Variants in TRPM3 observed in about 807,000 individuals in gnomAD.
The protein encoded by TRPM3 is transient receptor potential cation channel subfamily M member 3.
A neutral mutation model predicts 181.2 loss-of-function variants in TRPM3; 77 were observed. The observed-to-expected ratio is 0.42, with a 90% CI of 0.35 to 0.51. TRPM3 has a LOEUF of 0.51. TRPM3 is among the 20% of genes least tolerant of loss of function. TRPM3 has a pLI of 0.01. For synonymous variants in TRPM3, 745 were observed against 796.4 expected (o/e 0.94, Z 1.09); for missense variants, 1,759 against 2,196.7 (o/e 0.80, Z 3.98).
Position 70,536,282 on chromosome 9 carries a change from C to T in TRPM3, c.4831G>A (p.Glu1611Lys), listed in dbSNP as rs1387933775. The change falls in exon 26 of 26, where the codon GAG (glutamate) becomes AAG (lysine). Residue 1611 changes from glutamate to lysine, a missense_variant. Physicochemically the swap from Glu to Lys is moderately conservative, Grantham distance 56 (BLOSUM62 1). This residue lies in a region of TRPM3 where 612 missense variants were observed against 590.0 expected (regional missense o/e 1.04). Transcript: ENST00000677713. Reference sequence around the variant, plus strand: ...GCTCTGCGGCCTTTGGCCTCATTCTCCTCACTGTCAGAGCTGGGGTGACTC... The same window carrying T: ...GCTCTGCGGCCTTTGGCCTCATTCTTCTCACTGTCAGAGCTGGGGTGACTC... ...ELSHPSSDSEENEAKGRRATI... is the reference protein window; with the variant it reads ...ELSHPSSDSEKNEAKGRRATI... 1.2e-5 allele frequency: 19 copies of T among 1,614,066 alleles called. No homozygotes were observed. The highest frequency in any genetic ancestry group is 1.5e-5 in the Non-Finnish European group (18 of 1,180,052).
At chr9:70,599,307 A>G (rs1050987260) in intron 20 of TRPM3, among the ~76,000 whole-genome samples, 16 of 152,184 alleles carry the variant, frequency 1.1e-4, no homozygotes, top group African/African-American at 3.9e-4. Flanking sequence ...TTACCAGGTT[A>G]TATGCATAGG....
rs77606842 is a variant in TRPM3 at position 70,591,734 on chromosome 9, C to T, written c.3049-529G>A. Among the ~76,000 whole-genome samples the T allele has an allele frequency of 7.8e-4, 119 of 152,240 alleles. 1 individual carries two copies. In the South Asian group the frequency reaches 0.025, roughly 32 times the overall value. On this transcript the variant is annotated intron_variant, in intron 21 of 25. Transcript: ENST00000677713. ...CAAAAACAAAACAAAACAACAACAACAAAAACTGCCTATAAACGAAGCTAG... is the reference window on the plus strand; with the variant it reads ...CAAAAACAAAACAAAACAACAACAATAAAAACTGCCTATAAACGAAGCTAG...
chr9:71,224,628 C>T (rs573703985), intron 1 of TRPM3, among the ~76,000 whole-genome samples: 1 of 152,112 alleles, frequency 6.6e-6, no homozygotes, highest in South Asian at 2.1e-4. Flanking sequence ...TAGCTGATTT[C>T]AGGAAATTCA....
chr9:70,820,816 C>T (rs1249433800), intron 6 of TRPM3, among the ~76,000 whole-genome samples: 1 of 152,012 alleles, frequency 6.6e-6, no homozygotes, highest in Non-Finnish European at 1.5e-5. Flanking sequence ...CGGTAACTTG[C>T]CCAAGGTCAC....
At chr9:71,055,396 T>C (rs1215960279) in intron 1 of TRPM3, among the ~76,000 whole-genome samples, 1 of 152,048 alleles carries the variant, frequency 6.6e-6, no homozygotes, top group Non-Finnish European at 1.5e-5. Context: ...TATAGGTGTC[T>C]TCAAGATTTC....
At chr9:70,997,167 C>T (rs576238998) in intron 1 of TRPM3, among the ~76,000 whole-genome samples, 1 of 152,126 alleles carries the variant, frequency 6.6e-6, no homozygotes, top group Admixed American at 6.5e-5. Context: ...CCTCCTACCC[C>T]CTTGTCACAT....
At chr9:71,246,784 G>A (rs75131373) in intron 1 of TRPM3, among the ~76,000 whole-genome samples, 2 of 152,108 alleles carry the variant, frequency 1.3e-5, no homozygotes, top group African/African-American at 2.4e-5. Flanking sequence ...TTAGTTATAC[G>A]ACACTTTAAT....
chr9:70,612,356 CAG>C (rs1192142752), intron 18 of TRPM3, among the ~76,000 whole-genome samples: 1 of 152,176 alleles, frequency 6.6e-6, no homozygotes, highest in Non-Finnish European at 1.5e-5. Flanking sequence ...TGGGGCAAGA[CAG>C]AGTACTGGGA....
At chr9:71,399,991 C>A (rs2093305061) in intron 1 of TRPM3, among the ~76,000 whole-genome samples, 1 of 152,130 alleles carries the variant, frequency 6.6e-6, no homozygotes, top group Non-Finnish European at 1.5e-5. Flanking sequence ...ATTACTTAAA[C>A]TTTCTGATCC....
intron 1 of TRPM3, among the ~76,000 whole-genome samples, chr9:71,199,464 G>C (rs201516016): frequency 0.054 from 8,169 of 152,094 alleles, 243 homozygotes; most frequent in East Asian, 0.12. Context: ...GTTCCTCCTT[G>C]TACCTCTGGT....
chr9:70,974,469 G>A (rs1201089985), intron 1 of TRPM3, among the ~76,000 whole-genome samples: 1 of 152,118 alleles, frequency 6.6e-6, no homozygotes, highest in Non-Finnish European at 1.5e-5. Flanking sequence ...AACCCGGGAG[G>A]CGGAGCTTGC....
intron 22 of TRPM3, among the ~76,000 whole-genome samples, chr9:70,585,429 A>G (rs1417123788): frequency 6.6e-6 from 1 of 152,114 alleles, no homozygotes; most frequent in Non-Finnish European, 1.5e-5. Flanking sequence ...AGCTTCTACT[A>G]AGCTCCAGAG....
At position 71,420,809 on chromosome 9, in the gene TRPM3, A is replaced by AAG. The variant is rs1203968032; in HGVS notation, c.183+25842_183+25843dup. On this transcript the variant is annotated intron_variant, in intron 1 of 24. Transcript: ENST00000357533. ...AGAAAGAGAGAGAAAGAAAGAGAGA[A>AAG]AGAAAGAGAGAAAGAGAGGGAAAGA... 4.3e-3 allele frequency among the ~76,000 whole-genome samples: 24 copies of AAG among 5,550 alleles called. 1 individual carries two copies. Among genetic ancestry groups the AAG allele is most frequent in the African/African-American group, 0.01 (19 of 1,848 alleles). 3.6% of individuals were successfully genotyped at this position (5,550 alleles called of 152,430 possible).
chr9:71,241,489 C>T (rs13285162), intron 1 of TRPM3, among the ~76,000 whole-genome samples: 3 of 136,128 alleles, frequency 2.2e-5, no homozygotes, highest in Non-Finnish European at 3.1e-5. Context: ...CACACCGGGG[C>T]CTGCCGTGGG....
intron 9 of TRPM3, among the ~76,000 whole-genome samples, 164 bp from the exon 10 acceptor site, chr9:70,640,824 G>T (rs1443389616): frequency 5.3e-5 from 8 of 151,876 alleles, no homozygotes. Context: ...TAACATTTTG[G>T]GTAACTCTTT....
chr9:71,217,771 T>C (rs2131834688), intron 1 of TRPM3, among the ~76,000 whole-genome samples: 2 of 152,276 alleles, frequency 1.3e-5, no homozygotes, highest in South Asian at 4.1e-4. Flanking sequence ...AAACCTGGTA[T>C]CTTGGGCATG....
chr9:71,440,063 C>G (rs2131664535), intron 1 of TRPM3, among the ~76,000 whole-genome samples: 1 of 152,238 alleles, frequency 6.6e-6, no homozygotes, highest in South Asian at 2.1e-4. Flanking sequence ...GCGAAGCTTG[C>G]AGTGAGCCGA....
intron 1 of TRPM3, among the ~76,000 whole-genome samples, chr9:71,145,699 G>GA (rs1006851068): frequency 9.3e-5 from 14 of 150,546 alleles, no homozygotes; most frequent in African/African-American, 3.4e-4. Context: ...TAATGATTGA[G>GA]AAAAAAAAAT....
intron 1 of TRPM3, among the ~76,000 whole-genome samples, chr9:71,032,363 G>A (rs1454113600): frequency 6.7e-6 from 1 of 150,242 alleles, no homozygotes; most frequent in South Asian, 2.1e-4. Flanking sequence ...TGGACCCACA[G>A]GTTAAAAAAG....
Sources: gnomAD v4.1 joint callset for allele counts (sites outside exome capture counted in the v4.1 genomes callset) on GRCh38, gnomAD v4.1.1 for gene constraint, gnomAD v4.1.1 regional missense constraint, MANE v1.5 for transcripts, NCBI Gene and HGNC (gene_info 2026-07-23, HGNC 2026-07-21) for gene names.